WDR72: variants seen among roughly 807,000 people sequenced by gnomAD.
WDR72 encodes WD repeat domain 72.
A neutral mutation model predicts 124.2 loss-of-function variants in WDR72; 120 were observed. That is an observed-to-expected ratio of 0.97 (90% CI 0.83 to 1.12). WDR72 has a LOEUF of 1.12. Ranked by LOEUF, WDR72 falls within the 50% of genes most tolerant of loss-of-function variation. WDR72 has a pLI of 0.00. For missense variants in WDR72, 1,387 were observed against 1,278.8 expected (o/e 1.08, Z -1.29); for synonymous variants, 452 against 441.7 (o/e 1.02, Z -0.29).
chr15:53,704,887 G>T, intron 11 of WDR72, 101 bp downstream of exon 11: 2 of 1,343,000 alleles, frequency 1.5e-6, no homozygotes, highest in Non-Finnish European at 2.0e-6. Context: ...ATCAGCAAAT[G>T]CCAGCAAATT....
intron 14 of WDR72, among the ~76,000 whole-genome samples, chr15:53,619,573 T>G (rs190388630): frequency 4.6e-5 from 7 of 152,136 alleles, no homozygotes; most frequent in African/African-American, 1.4e-4. Flanking sequence ...GTGAAAAATA[T>G]TGCTCATCTT....
chr15:53,685,634 G>T (rs1025310815), intron 13 of WDR72, among the ~76,000 whole-genome samples: 60 of 147,290 alleles, frequency 4.1e-4, no homozygotes, highest in South Asian at 2.2e-3. Context: ...TGGAAAACAC[G>T]CTGCAGGATA....
chr15:53,525,947 C>A (rs1378112668), intron 18 of WDR72, among the ~76,000 whole-genome samples: 1 of 152,020 alleles, frequency 6.6e-6, no homozygotes, highest in Non-Finnish European at 1.5e-5. Flanking sequence ...TTAATTACTG[C>A]CATTCTACTT....
intron 18 of WDR72, among the ~76,000 whole-genome samples, chr15:53,578,683 T>G (rs2011749547): frequency 6.6e-6 from 1 of 152,032 alleles, no homozygotes; most frequent in Non-Finnish European, 1.5e-5. Context: ...CTAAATAATC[T>G]GCACTTTATC....
Position 53,516,745 on chromosome 15 carries a change from TAA to T in WDR72, c.*952_*953del, listed in dbSNP as rs1203713504. 1 of 152,078 alleles carries T rather than the reference TAA, an allele frequency of 6.6e-6. No homozygotes were observed. The highest frequency in any genetic ancestry group is 1.9e-4 in the East Asian group (1 of 5,186). The allele number at this position is 152,078 out of a possible 1,614,324, so 9.4% of individuals were successfully genotyped here. A position where few individuals can be genotyped will look rare whatever the true frequency, so the allele number is the denominator to read the frequency against. Reference sequence around the variant, plus strand: ...ATGGATTAGGCAATATTTATATACATAAGATATGTAGATTAATAATTTTGATG... The same window carrying T: ...ATGGATTAGGCAATATTTATATACATGATATGTAGATTAATAATTTTGATG... On this transcript the variant is annotated 3_prime_UTR_variant, in exon 20 of 20. Transcript: ENST00000360509.
chr15:53,740,122 C>T (rs2018467842), intron 1 of WDR72, among the ~76,000 whole-genome samples: 3 of 152,054 alleles, frequency 2.0e-5, no homozygotes, highest in Admixed American at 6.6e-5. Context: ...CACTGTCTAC[C>T]CAGTAACTAG....
intron 2 of WDR72, among the ~76,000 whole-genome samples, chr15:53,729,407 C>T (rs1206535688): frequency 6.6e-6 from 1 of 151,916 alleles, no homozygotes; most frequent in Non-Finnish European, 1.5e-5. Flanking sequence ...ATTATGTCAT[C>T]TTCTCACATA....
chr15:53,657,533 A>G (rs1255623668), intron 14 of WDR72, among the ~76,000 whole-genome samples: 2 of 152,110 alleles, frequency 1.3e-5, no homozygotes, highest in Non-Finnish European at 2.9e-5. Flanking sequence ...TCTATGTTAG[A>G]ACTTCCCCCT....
chr15:53,673,356 C>T (rs749607992), intron 13 of WDR72, among the ~76,000 whole-genome samples: 1 of 152,062 alleles, frequency 6.6e-6, no homozygotes, highest in Non-Finnish European at 1.5e-5. Flanking sequence ...TTGATGAATC[C>T]ATCTGCAAAT....
chr15:53,590,784 C>T (rs925114786), intron 18 of WDR72, among the ~76,000 whole-genome samples: 1 of 152,014 alleles, frequency 6.6e-6, no homozygotes, highest in African/African-American at 2.4e-5. Flanking sequence ...TTATCTGTTC[C>T]TATAGCATTG....
chr15:53,729,307 C>T (rs1324470734), intron 2 of WDR72, among the ~76,000 whole-genome samples: 6 of 152,102 alleles, frequency 3.9e-5, no homozygotes, highest in Non-Finnish European at 7.4e-5. Context: ...AGCCATAGTC[C>T]CTGTCCCTGA....
intron 17 of WDR72, among the ~76,000 whole-genome samples, chr15:53,608,519 C>G (rs1336665780): frequency 6.6e-6 from 1 of 152,114 alleles, no homozygotes; most frequent in Non-Finnish European, 1.5e-5. Context: ...CTTTGGAAGG[C>G]TGAGGTGGGA....
At chr15:53,616,649 A>G (rs2013779828) in intron 14 of WDR72, among the ~76,000 whole-genome samples, 1 of 151,992 alleles carries the variant, frequency 6.6e-6, no homozygotes, top group South Asian at 2.1e-4. Context: ...TATTTTAACA[A>G]AAATGGTGCT....
intron 7 of WDR72, among the ~76,000 whole-genome samples, chr15:53,711,797 G>GT (rs1045287205): frequency 6.6e-6 from 1 of 152,110 alleles, no homozygotes; most frequent in African/African-American, 2.4e-5. Flanking sequence ...ATTTGAAAAT[G>GT]TATTATGCAC....
chr15:53,585,452 G>A (rs1566970807), intron 18 of WDR72, among the ~76,000 whole-genome samples: 2 of 151,912 alleles, frequency 1.3e-5, no homozygotes, highest in South Asian at 2.1e-4. Context: ...CAGCACGTGG[G>A]GATTACAGTT....
At chr15:53,626,824 G>A (rs1436416029) in intron 14 of WDR72, among the ~76,000 whole-genome samples, 4 of 152,192 alleles carry the variant, frequency 2.6e-5, no homozygotes, top group African/African-American at 4.8e-5. Flanking sequence ...GGGATTCTTA[G>A]TTGGCCTAGG....
At chr15:53,713,327 T>C (rs929896195) in intron 6 of WDR72, among the ~76,000 whole-genome samples, 21 of 151,734 alleles carry the variant, frequency 1.4e-4, no homozygotes, top group Admixed American at 3.9e-4. Flanking sequence ...CTACAGACTG[T>C]TAGATATGGC....
At chr15:53,586,094 T>G (rs1283820104) in intron 18 of WDR72, among the ~76,000 whole-genome samples, 1 of 152,050 alleles carries the variant, frequency 6.6e-6, no homozygotes, top group Non-Finnish European at 1.5e-5. Context: ...AACCACATCA[T>G]ATTCTTCTCA....
chr15:53,517,803 G>C (rs2140195037), intron 19 of WDR72, 49 bp from the exon 20 acceptor site: 1 of 1,572,142 alleles, frequency 6.4e-7, no homozygotes, highest in African/African-American at 1.4e-5. Flanking sequence ...TCTAAAAAGA[G>C]AAAAAAGAGA....
Sources: allele counts gnomAD v4.1 joint callset (sites outside exome capture counted in the v4.1 genomes callset), GRCh38; gene constraint gnomAD v4.1.1; transcripts MANE v1.5; gene names NCBI Gene and HGNC (gene_info 2026-07-23, HGNC 2026-07-21).